POP1: variants seen among roughly 807,000 people sequenced by gnomAD.
POP1 encodes POP1 ribonuclease P/MRP subunit, also known as ribonucleases P/MRP protein subunit POP1.
POP1 carries 75 observed loss-of-function variants against 102.2 expected under a neutral mutation model. The observed-to-expected ratio is 0.73, with a 90% confidence interval of 0.61 to 0.89. The LOEUF (loss-of-function observed/expected upper bound fraction) is 0.89, where lower values mean the gene tolerates loss of function less well. Among genes scored for constraint, POP1 ranks in the 40% least tolerant of loss-of-function variants. The pLI is 0.00. For missense variants in POP1, 1,116 were observed against 1,267.4 expected (o/e 0.88, Z 1.81); for synonymous variants, 436 against 464.1 (o/e 0.94, Z 0.78).
chr8:98,142,127 C>T (rs1270447775), intron 11 of POP1, among the ~76,000 whole-genome samples: 3 of 152,076 alleles, frequency 2.0e-5, no homozygotes, highest in Non-Finnish European at 4.4e-5. Context: ...ATTATAATTG[C>T]CTTGAAGCTA....
At chr8:98,126,369 CA>C (rs1358114743) in intron 2 of POP1, among the ~76,000 whole-genome samples, 1 of 152,074 alleles carries the variant, frequency 6.6e-6, no homozygotes, top group Non-Finnish European at 1.5e-5. Context: ...CATGACATGA[CA>C]GGTGGAAAAT....
At chr8:98,156,022 A>G (rs200229322) in intron 14 of POP1, 28 bp from the exon 15 acceptor site, 170 of 1,611,590 alleles carry the variant, frequency 1.1e-4, no homozygotes, top group Non-Finnish European at 1.4e-4. Context: ...ATTGTTCAAC[A>G]TTGGTTCTCC....
intron 1 of POP1, among the ~76,000 whole-genome samples, chr8:98,121,506 A>G (rs1210627866): frequency 6.8e-6 from 1 of 147,048 alleles, no homozygotes; most frequent in East Asian, 2.0e-4. Context: ...ATTATTGGTT[A>G]CACGGGTTTT....
chr8:98,119,664 G>T (rs976173327), intron 1 of POP1, among the ~76,000 whole-genome samples: 1 of 151,986 alleles, frequency 6.6e-6, no homozygotes, highest in African/African-American at 2.4e-5. Flanking sequence ...CTGCAGCCTT[G>T]ACCTCCCTGT....
chr8:98,157,752 C>G lies in POP1; in HGVS notation c.2556C>G (p.Phe852Leu). 1 of 1,614,216 alleles carries G rather than the reference C, an allele frequency of 6.2e-7. No individual in the cohort carries two copies. The highest frequency in any genetic ancestry group is 8.5e-7 in the Non-Finnish European group (1 of 1,180,038). The change falls in exon 16 of 16, where the codon TTC becomes TTG. Residue 852 changes from phenylalanine to leucine, a missense_variant. By Grantham distance (22) the Phe-to-Leu change is conservative (BLOSUM62 0). Transcript: ENST00000401707. Reference sequence around the variant, plus strand: ...CTTGCCTGTCCATCTTGGGCCACTTCCCCAGGGCCCTGGTTTGGGTCAGCC... The same window carrying G: ...CTTGCCTGTCCATCTTGGGCCACTTGCCCAGGGCCCTGGTTTGGGTCAGCC... ...REACLSILGH[F>L]PRALVWVSLS...
chr8:98,143,103 T>G (rs1816750511), intron 11 of POP1, among the ~76,000 whole-genome samples: 1 of 152,212 alleles, frequency 6.6e-6, no homozygotes, highest in South Asian at 2.1e-4. Context: ...AGCTCCTCCC[T>G]TCAGTCTTCA....
At position 98,136,911 on chromosome 8, in the gene POP1, A is replaced by T. The variant is rs188063828; in HGVS notation, c.1319A>T (p.His440Leu). 9.3e-6 allele frequency: 15 copies of T among 1,613,620 alleles called. No homozygotes were observed. In the Admixed American group the frequency reaches 2.3e-4, roughly 25 times the overall value. Residue 440 changes from histidine to leucine, a missense_variant, in exon 9 of 16, where the codon CAC (histidine) becomes CTC (leucine). Coordinates refer to ENST00000401707, the MANE Select transcript of POP1 (RefSeq NM_001145860.2). Reference protein sequence around the residue: ...NRFRLIGPLSHSILTEAIKAA... With the variant: ...NRFRLIGPLSLSILTEAIKAA... ...TTCCGGCTGATTGGGCCACTTTCCC[A>T]CTCCATCCTAACTGAAGCAATAAAA...
chr8:98,148,216 A>G (rs542667230), intron 12 of POP1, among the ~76,000 whole-genome samples: 2 of 152,346 alleles, frequency 1.3e-5, no homozygotes, highest in South Asian at 4.1e-4. Context: ...AGCGTTCATG[A>G]GGTAGCAGTT....
chr8:98,154,968 A>G (rs1006644224), intron 14 of POP1, among the ~76,000 whole-genome samples: 3 of 152,222 alleles, frequency 2.0e-5, no homozygotes, highest in African/African-American at 7.2e-5. Flanking sequence ...AGAAAGAAAT[A>G]TGTAATATCT....
chr8:98,155,955 G>GTGTGTGTGTT (rs1491022415), intron 14 of POP1, 95 bp from the exon 15 acceptor site: 3 of 990,614 alleles, frequency 3.0e-6, no homozygotes, highest in Non-Finnish European at 4.6e-6. Flanking sequence ...GTGTGTGTGT[G>GTGTGTGTGTT]TTTTAAAATA....
intron 1 of POP1, among the ~76,000 whole-genome samples, 154 bp downstream of exon 1, chr8:98,117,544 C>T (rs1586220932): frequency 6.6e-6 from 1 of 152,210 alleles, no homozygotes; most frequent in East Asian, 1.9e-4. Context: ...GGCCCCTCTC[C>T]CTGGTGTCGC....
At chr8:98,153,996 T>C (rs1044484107) in intron 14 of POP1, among the ~76,000 whole-genome samples, 1 of 152,154 alleles carries the variant, frequency 6.6e-6, no homozygotes, top group African/African-American at 2.4e-5. Context: ...GGGGATTAAG[T>C]AGCACACTCC....
intron 5 of POP1, 143 bp from the exon 6 acceptor site, chr8:98,133,806 G>C (rs1816452140): frequency 5.4e-6 from 4 of 735,578 alleles, no homozygotes; most frequent in Non-Finnish European, 9.9e-6. Flanking sequence ...AGAAGGTTTA[G>C]ATTTTGACTT....
intron 9 of POP1, 146 bp from the exon 10 acceptor site, chr8:98,139,932 A>G (rs1816659064): frequency 1.4e-6 from 1 of 708,616 alleles, no homozygotes; most frequent in African/African-American, 1.8e-5. Flanking sequence ...TATGTTAAGT[A>G]TAGTGGCAAC....
chr8:98,144,356 G>A (rs941892204), intron 11 of POP1, among the ~76,000 whole-genome samples: 9 of 151,924 alleles, frequency 5.9e-5, no homozygotes, highest in Non-Finnish European at 1.2e-4. Flanking sequence ...GCTCACTGCA[G>A]CCTTGAACTC....
Position 98,140,105 on chromosome 8 carries a change from C to G in POP1, c.1390C>G (p.His464Asp), listed in dbSNP as rs1816664041. ...GGGAGAGGACACAGAGGAGACACCTCACCGCTGGTGGATAGAAACCTGTAA... is the reference window on the plus strand; with the variant it reads ...GGGAGAGGACACAGAGGAGACACCTGACCGCTGGTGGATAGAAACCTGTAA... ...TVGEDTEETP[H>D]RWWIETCKKP... Residue 464 changes from histidine (H) to aspartate (D), a missense_variant, in exon 10 of 16, where the codon CAC becomes GAC. By Grantham distance (81) the His-to-Asp change is moderately conservative. Transcript: ENST00000401707. 14 of 1,613,950 alleles carry G rather than the reference C, an allele frequency of 8.7e-6. No individual in the cohort carries two copies. Among genetic ancestry groups the G allele is most frequent in the Non-Finnish European group, 1.1e-5 (13 of 1,179,990 alleles).
chr8:98,137,177 A>G (rs1049920363), intron 9 of POP1, among the ~76,000 whole-genome samples: 3 of 152,204 alleles, frequency 2.0e-5, no homozygotes, highest in Non-Finnish European at 4.4e-5. Context: ...ACTTAAATAC[A>G]GACTGCTCTT....
At chr8:98,139,167 G>A (rs1308997339) in intron 9 of POP1, among the ~76,000 whole-genome samples, 1 of 152,096 alleles carries the variant, frequency 6.6e-6, no homozygotes, top group East Asian at 1.9e-4. Context: ...GCTTCTTTAG[G>A]ATCCGTAAGT....
At position 98,157,863 on chromosome 8, in the gene POP1, C is replaced by T; in HGVS notation, c.2667C>T (p.Asp889=). The change falls in exon 16 of 16, where the codon GAC becomes GAT. Residue 889 remains aspartate, a synonymous_variant. Transcript: ENST00000401707. ...AKEDFLQLHE[D]WHYCGPQESK... Reference sequence around the variant, plus strand: ...AGGACTTCCTCCAGCTCCATGAGGACTGGCATTACTGTGGGCCCCAGGAAT... The same window carrying T: ...AGGACTTCCTCCAGCTCCATGAGGATTGGCATTACTGTGGGCCCCAGGAAT... 1 of 1,614,168 alleles carries T rather than the reference C, an allele frequency of 6.2e-7. No homozygotes were observed. Among genetic ancestry groups the T allele is most frequent in the South Asian group, 1.1e-5 (1 of 91,084 alleles).
Sources: allele counts gnomAD v4.1 joint callset (sites outside exome capture counted in the v4.1 genomes callset), GRCh38; gene constraint gnomAD v4.1.1; transcripts MANE v1.5; gene names NCBI Gene and HGNC (gene_info 2026-07-23, HGNC 2026-07-21).